Variants in NCKAP5 observed in about 807,000 individuals in gnomAD.
NCKAP5 encodes the protein NCK associated protein 5, also known as nck-associated protein 5.
Under a neutral mutation model 167.0 loss-of-function variants are expected in NCKAP5, and 92 were observed. The ratio of observed to expected loss-of-function variants is 0.55; its 90% CI spans 0.47 to 0.66. The LOEUF (loss-of-function observed/expected upper bound fraction) is 0.66, where lower values mean the gene tolerates loss of function less well. Ranked by LOEUF, NCKAP5 falls within the 30% of genes least tolerant of loss-of-function variation. NCKAP5 has a pLI of 0.00. For synonymous variants in NCKAP5, 891 were observed against 877.4 expected, an observed-to-expected ratio of 1.02 and a Z score of -0.27; for missense variants, 2,378 against 2,315.0, an observed-to-expected ratio of 1.03 and a Z score of -0.56.
intron 3 of NCKAP5, among the ~76,000 whole-genome samples, chr2:133,407,560 A>T (rs930602949): frequency 2.6e-5 from 4 of 152,186 alleles, no homozygotes; most frequent in African/African-American, 9.6e-5. Context: ...TGTGCCGGCC[A>T]CTTAACACGC....
chr2:133,603,926 G>A, the NCKAP5 span, among the ~76,000 whole-genome samples: 1 of 152,242 alleles, frequency 6.6e-6, no homozygotes, highest in African/African-American at 2.4e-5. Context: ...CTGAGAGCCT[G>A]CCACCAATGT....
intron 3 of NCKAP5, among the ~76,000 whole-genome samples, chr2:133,307,335 G>C (rs368325957): frequency 2.2e-4 from 34 of 152,274 alleles, no homozygotes; most frequent in African/African-American, 8.2e-4. Context: ...TAGAATTTGA[G>C]TACTTGATAA....
At chr2:132,955,940 G>T (rs984352054) in intron 8 of NCKAP5, among the ~76,000 whole-genome samples, 4 of 152,028 alleles carry the variant, frequency 2.6e-5, no homozygotes, top group Non-Finnish European at 5.9e-5. Context: ...ATGTTTGTTG[G>T]CCACATAAAT....
intron 2 of NCKAP5, among the ~76,000 whole-genome samples, chr2:133,521,559 G>T (rs1415854043): frequency 1.3e-5 from 2 of 152,222 alleles, no homozygotes; most frequent in African/African-American, 2.4e-5. Flanking sequence ...CCAAGATCAA[G>T]TGCTAGCAGA....
chr2:133,336,779 A>C lies in NCKAP5; in HGVS notation c.70-33669T>G, dbSNP rs74757703. Among the ~76,000 whole-genome samples, 1,514 of 152,250 alleles carry C rather than the reference A, an allele frequency of 9.9e-3. 21 individuals are homozygous for C. The highest frequency in any genetic ancestry group is 0.034 in the African/African-American group (1,427 of 41,548). Reference sequence around the variant, plus strand: ...TGTAAAATGAAGGGTTATGCTCTTTAGGTTAAGAGTTTCTCTTCTGGCTAC... The same window carrying C: ...TGTAAAATGAAGGGTTATGCTCTTTCGGTTAAGAGTTTCTCTTCTGGCTAC... On this transcript the variant is annotated intron_variant, in intron 3 of 19. Coordinates refer to ENST00000409261, the MANE Select transcript of NCKAP5 (RefSeq NM_207363.3).
intron 6 of NCKAP5, among the ~76,000 whole-genome samples, chr2:133,110,706 C>T (rs530954990): frequency 1.2e-4 from 18 of 152,256 alleles, no homozygotes; most frequent in East Asian, 1.9e-4. Flanking sequence ...CCCAAGGAAG[C>T]GTGCCACATA....
intron 3 of NCKAP5, among the ~76,000 whole-genome samples, chr2:133,386,546 C>T (rs774422185): frequency 7.2e-5 from 11 of 151,980 alleles, no homozygotes; most frequent in African/African-American, 1.2e-4. Context: ...TGGAGAGTTC[C>T]GTAGATGTCT....
chr2:133,209,362 A>G (rs2086105445), intron 5 of NCKAP5, among the ~76,000 whole-genome samples: 1 of 149,926 alleles, frequency 6.7e-6, no homozygotes, highest in Non-Finnish European at 1.5e-5. Flanking sequence ...AGAACAAAGA[A>G]AACAAATATA....
At chr2:133,473,105 G>A (rs763758990) in intron 3 of NCKAP5, among the ~76,000 whole-genome samples, 13 of 152,254 alleles carry the variant, frequency 8.5e-5, no homozygotes, top group East Asian at 1.9e-4. Flanking sequence ...AGGCCAAGGC[G>A]GGTGGATCAT....
chr2:133,156,071 C>T (rs937897568), intron 5 of NCKAP5, among the ~76,000 whole-genome samples: 7 of 152,094 alleles, frequency 4.6e-5, no homozygotes, highest in Admixed American at 1.3e-4. Context: ...TGTACTGTCT[C>T]TCACCTGTTT....
the NCKAP5 span, among the ~76,000 whole-genome samples, chr2:133,657,952 G>A: frequency 6.6e-6 from 1 of 152,124 alleles, no homozygotes; most frequent in African/African-American, 2.4e-5. Flanking sequence ...AGATTTTGAT[G>A]GATAAAACAA....
chr2:133,081,770 C>T (rs1182973102), intron 6 of NCKAP5, among the ~76,000 whole-genome samples: 3 of 151,930 alleles, frequency 2.0e-5, no homozygotes, highest in Admixed American at 6.6e-5. Flanking sequence ...ATGGGAGAAA[C>T]GTTTTCCTCC....
intron 19 of NCKAP5, among the ~76,000 whole-genome samples, chr2:132,708,080 C>A (rs919489595): frequency 2.6e-5 from 4 of 152,018 alleles, no homozygotes; most frequent in African/African-American, 9.7e-5. Flanking sequence ...TTGCCATAGG[C>A]CTTAGGTGAG....
the NCKAP5 span, among the ~76,000 whole-genome samples, chr2:133,620,400 A>G: frequency 6.6e-6 from 1 of 152,148 alleles, no homozygotes; most frequent in Non-Finnish European, 1.5e-5. Flanking sequence ...AAGGACTCAC[A>G]TACACTTAAG....
chr2:133,125,128 G>T (rs13424438), intron 6 of NCKAP5, among the ~76,000 whole-genome samples: 9,617 of 151,958 alleles, frequency 0.063, 397 homozygotes, highest in East Asian at 0.19. Context: ...TGCAAATCCT[G>T]CATGATATGC....
intron 3 of NCKAP5, among the ~76,000 whole-genome samples, chr2:133,317,870 T>G (rs1186132252): frequency 6.6e-6 from 1 of 152,100 alleles, no homozygotes; most frequent in African/African-American, 2.4e-5. Context: ...CATCTGACCA[T>G]GAAAAGGCCA....
chr2:133,561,269 C>T (rs1442738619), intron 1 of NCKAP5, among the ~76,000 whole-genome samples: 1 of 152,214 alleles, frequency 6.6e-6, no homozygotes, highest in Non-Finnish European at 1.5e-5. Context: ...TCTGCATGAA[C>T]ACCGTCTCCA....
chr2:132,679,150 G>A (rs1684878062), intron 19 of NCKAP5, among the ~76,000 whole-genome samples: 1 of 152,192 alleles, frequency 6.6e-6, no homozygotes, highest in African/African-American at 2.4e-5. Flanking sequence ...CATCTGTAAA[G>A]AAGTGGGTTT....
Position 133,127,361 on chromosome 2 carries a change from TG to T in NCKAP5, c.341+2616del, listed in dbSNP as rs563562027. 1.9e-3 allele frequency among the ~76,000 whole-genome samples: 297 copies of T among 152,340 alleles called. 3 individuals carry two copies. Among genetic ancestry groups the T allele is most frequent in the Non-Finnish European group, 4.0e-4 (27 of 68,020 alleles). Reference sequence around the variant, plus strand: ...TTCCCCTCCATGTCTTTTACTGATTTGCATTAGTTCTCTGGCTGTAACTGGA... The same window carrying T: ...TTCCCCTCCATGTCTTTTACTGATTTCATTAGTTCTCTGGCTGTAACTGGA... On this transcript the variant is annotated intron_variant, in intron 6 of 19. Transcript: ENST00000409261.
Sources: allele counts gnomAD v4.1 joint callset (sites outside exome capture counted in the v4.1 genomes callset), GRCh38; gene constraint gnomAD v4.1.1; transcripts MANE v1.5; gene names NCBI Gene and HGNC (gene_info 2026-07-23, HGNC 2026-07-21).